The following MAF variants were observed in gnomAD, a reference collection of about 807,000 sequenced individuals.
MAF encodes the protein transcription factor Maf.
In MAF, 10 loss-of-function variants were observed where a neutral mutation model predicts 22.0. The observed-to-expected ratio is 0.45, with a 90% CI of 0.28 to 0.77. MAF has a LOEUF of 0.77. Ranked by LOEUF, MAF falls within the 30% of genes least tolerant of loss-of-function variation. The pLI is 0.12. For synonymous variants in MAF, 337 were observed against 255.8 expected, an observed-to-expected ratio of 1.32 and a Z score of -3.03; for missense variants, 544 against 548.4, an observed-to-expected ratio of 0.99 and a Z score of 0.08.
chr16:79,443,882 C>G, the MAF span, among the ~76,000 whole-genome samples: 1 of 151,770 alleles, frequency 6.6e-6, no homozygotes, highest in Non-Finnish European at 1.5e-5. Flanking sequence ...GGAATATGTC[C>G]CGCAAATGGT....
chr16:79,498,887 G>T, the MAF span, among the ~76,000 whole-genome samples: 9 of 152,228 alleles, frequency 5.9e-5, no homozygotes, highest in East Asian at 1.5e-3. Flanking sequence ...GGAGTATACA[G>T]AGACACTTCA....
the MAF span, among the ~76,000 whole-genome samples, chr16:79,265,726 C>G: frequency 3.3e-5 from 5 of 152,322 alleles, no homozygotes; most frequent in East Asian, 9.6e-4. Context: ...AATGTTTTTC[C>G]TATCCTTAAG....
chr16:79,490,695 G>T, the MAF span, among the ~76,000 whole-genome samples: 1 of 152,068 alleles, frequency 6.6e-6, no homozygotes, highest in Non-Finnish European at 1.5e-5. Flanking sequence ...ATTGGAAAGT[G>T]GTACATAGTA....
the MAF span, among the ~76,000 whole-genome samples, chr16:79,377,310 C>T: frequency 6.6e-6 from 1 of 152,296 alleles, no homozygotes; most frequent in Non-Finnish European, 1.5e-5. Flanking sequence ...TGTCTTTTGG[C>T]TGCATAAATG....
At chr16:79,518,730 T>C in the MAF span, among the ~76,000 whole-genome samples, 1 of 152,182 alleles carries the variant, frequency 6.6e-6, no homozygotes, top group South Asian at 2.1e-4. Context: ...AGGTCGGAAG[T>C]TCAAGACCTC....
chr16:79,481,277 G>C, the MAF span, among the ~76,000 whole-genome samples: 1 of 150,520 alleles, frequency 6.6e-6, no homozygotes, highest in South Asian at 2.1e-4. Flanking sequence ...ACTTATATAT[G>C]TATCATAAAA....
chr16:79,423,892 T>C, the MAF span, among the ~76,000 whole-genome samples: 1 of 152,220 alleles, frequency 6.6e-6, no homozygotes, highest in Admixed American at 6.5e-5. Context: ...AAAACAGTCA[T>C]GTCTTCAGGT....
chr16:79,500,700 A>G, the MAF span, among the ~76,000 whole-genome samples: 1 of 152,152 alleles, frequency 6.6e-6, no homozygotes, highest in Non-Finnish European at 1.5e-5. Context: ...GTCTCTGGGA[A>G]AGGTACACTG....
At chr16:79,462,232 C>T in the MAF span, among the ~76,000 whole-genome samples, 3 of 152,214 alleles carry the variant, frequency 2.0e-5, no homozygotes, top group Admixed American at 2.0e-4. Context: ...ATACTCTGCA[C>T]TGATTTCATT....
At chr16:79,347,865 T>C in the MAF span, among the ~76,000 whole-genome samples, 8 of 152,104 alleles carry the variant, frequency 5.3e-5, no homozygotes, top group Non-Finnish European at 1.2e-4. Flanking sequence ...GAACAGTGGG[T>C]CAAGTGCAAT....
the MAF span, chr16:79,205,279 C>G: frequency 0.13 from 20,499 of 152,250 alleles, 2,925 homozygotes; most frequent in African/African-American, 0.36. Context: ...CCACGGCCAT[C>G]AAGCCCCTGT....
At chr16:79,290,534 A>T in the MAF span, among the ~76,000 whole-genome samples, 1 of 152,144 alleles carries the variant, frequency 6.6e-6, no homozygotes, top group Non-Finnish European at 1.5e-5. Flanking sequence ...CTGTCCCAAG[A>T]GCCTGTGTGC....
chr16:79,587,307 T>C (rs572947035), intron 1 of MAF, among the ~76,000 whole-genome samples: 1 of 152,178 alleles, frequency 6.6e-6, no homozygotes, highest in East Asian at 1.9e-4. Context: ...CAAAAAATAA[T>C]AGGAAAGAAA....
chr16:79,440,871 C>G, the MAF span, among the ~76,000 whole-genome samples: 1 of 152,240 alleles, frequency 6.6e-6, no homozygotes, highest in East Asian at 1.9e-4. Flanking sequence ...GTGGGAGAGA[C>G]AGGAACAAGT....
At chr16:79,471,874 A>C in the MAF span, among the ~76,000 whole-genome samples, 8 of 152,224 alleles carry the variant, frequency 5.3e-5, no homozygotes, top group African/African-American at 1.9e-4. Context: ...TAGAAGAAAA[A>C]ACTTTTACCA....
chr16:79,216,597 G>A, the MAF span, among the ~76,000 whole-genome samples: 4 of 152,062 alleles, frequency 2.6e-5, no homozygotes, highest in African/African-American at 9.7e-5. Flanking sequence ...TCCAACTCTA[G>A]GTAAACTTAA....
the MAF span, among the ~76,000 whole-genome samples, chr16:79,437,908 C>T: frequency 1.3e-5 from 2 of 152,048 alleles, no homozygotes; most frequent in Admixed American, 6.5e-5. Flanking sequence ...ACAGGCCAGG[C>T]GGGAGGTTTC....
chr16:79,510,630 A>T, the MAF span, among the ~76,000 whole-genome samples: 11 of 152,220 alleles, frequency 7.2e-5, no homozygotes, highest in Non-Finnish European at 1.5e-4. Context: ...TCATACCCAG[A>T]AGACTTGTGA....
At chr16:79,434,298 G>A in the MAF span, among the ~76,000 whole-genome samples, 7 of 152,020 alleles carry the variant, frequency 4.6e-5, no homozygotes, top group African/African-American at 9.7e-5. Context: ...ACACACACAC[G>A]GTGACGTGCT....
Sources: gnomAD v4.1 joint callset for allele counts (sites outside exome capture counted in the v4.1 genomes callset) on GRCh38, gnomAD v4.1.1 for gene constraint, MANE v1.5 for transcripts, NCBI Gene and HGNC (gene_info 2026-07-23, HGNC 2026-07-21) for gene names.